Variants in IMMP2L observed in about 807,000 individuals in gnomAD.
IMMP2L encodes the protein mitochondrial inner membrane protease subunit 2.
IMMP2L carries 18 observed loss-of-function variants against 19.3 expected under a neutral mutation model. That is an observed-to-expected ratio of 0.93 (90% CI 0.64 to 1.38). The LOEUF (loss-of-function observed/expected upper bound fraction) is 1.38, where lower values mean the gene tolerates loss of function less well. IMMP2L is among the 40% of genes most tolerant of loss of function. IMMP2L has a pLI of 0.00. For synonymous variants in IMMP2L, 76 were observed against 73.0 expected, an observed-to-expected ratio of 1.04 and a Z score of -0.21; for missense variants, 233 against 218.2, an observed-to-expected ratio of 1.07 and a Z score of -0.43.
intron 5 of IMMP2L, among the ~76,000 whole-genome samples, chr7:110,812,096 A>T (rs185076308): frequency 6.6e-6 from 1 of 152,172 alleles, no homozygotes; most frequent in African/African-American, 2.4e-5. Flanking sequence ...ATATATCCAC[A>T]TATGTATATA....
intron 3 of IMMP2L, among the ~76,000 whole-genome samples, chr7:111,376,907 T>C (rs146671238): frequency 5.5e-4 from 84 of 152,116 alleles, no homozygotes; most frequent in Non-Finnish European, 1.0e-3. Context: ...GGAGGTGGCA[T>C]GGTGGTGACA....
chr7:110,993,608 A>G (rs1255177951), intron 3 of IMMP2L, among the ~76,000 whole-genome samples: 3 of 151,200 alleles, frequency 2.0e-5, no homozygotes, highest in African/African-American at 7.3e-5. Context: ...AAAAAAAAAC[A>G]GACCTCAAAC....
intron 3 of IMMP2L, among the ~76,000 whole-genome samples, chr7:111,388,630 C>T (rs1194197329): frequency 6.6e-6 from 1 of 152,072 alleles, no homozygotes; most frequent in Non-Finnish European, 1.5e-5. Flanking sequence ...GCCTCAGTAT[C>T]ATGGCAGGAA....
chr7:111,121,510 C>A (rs1445408161), intron 3 of IMMP2L, among the ~76,000 whole-genome samples: 1 of 152,104 alleles, frequency 6.6e-6, no homozygotes, highest in African/African-American at 2.4e-5. Context: ...CAGAGAAATG[C>A]AAATCAAAAC....
rs553118950 is a variant in IMMP2L at position 111,365,626 on chromosome 7, T to C, written c.239+121612A>G. On this transcript the variant is annotated intron_variant, in intron 3 of 5. Transcript: ENST00000405709. ...ATGAAAAGGAGAAACAATTACCAACTAGTTTATAAACCACAATTTAATCAA... is the reference window on the plus strand; with the variant it reads ...ATGAAAAGGAGAAACAATTACCAACCAGTTTATAAACCACAATTTAATCAA... 2.0e-5 allele frequency among the ~76,000 whole-genome samples: 3 copies of C among 152,246 alleles called. No individual in the cohort carries two copies. The South Asian group carries it at 6.2e-4, about 32-fold the overall frequency.
chr7:111,463,349 G>C (rs1437756926), intron 3 of IMMP2L, among the ~76,000 whole-genome samples: 1 of 152,054 alleles, frequency 6.6e-6, no homozygotes, highest in Non-Finnish European at 1.5e-5. Flanking sequence ...GTGACATGCT[G>C]GTTAATCTCT....
At chr7:111,032,926 C>G (rs888552815) in intron 3 of IMMP2L, among the ~76,000 whole-genome samples, 1 of 152,064 alleles carries the variant, frequency 6.6e-6, no homozygotes, top group Non-Finnish European at 1.5e-5. Context: ...TCGAGACTAG[C>G]CTAGCCAACA....
At chr7:111,308,082 G>A (rs781084073) in intron 3 of IMMP2L, among the ~76,000 whole-genome samples, 2 of 151,828 alleles carry the variant, frequency 1.3e-5, no homozygotes, top group Non-Finnish European at 2.9e-5. Context: ...GTGCGTATCT[G>A]TCCAAATTCA....
chr7:111,198,607 T>C (rs1019280287), intron 3 of IMMP2L, among the ~76,000 whole-genome samples: 4 of 152,084 alleles, frequency 2.6e-5, no homozygotes, highest in Admixed American at 2.6e-4. Flanking sequence ...GCCCTGATAA[T>C]TTCTGCTTTG....
intron 3 of IMMP2L, among the ~76,000 whole-genome samples, chr7:111,186,452 C>T (rs1808272169): frequency 6.6e-6 from 1 of 151,824 alleles, no homozygotes; most frequent in African/African-American, 2.4e-5. Context: ...AGGAGTTTCA[C>T]TCTTGTTGCC....
intron 3 of IMMP2L, among the ~76,000 whole-genome samples, chr7:111,406,756 T>C (rs1467066736): frequency 6.6e-6 from 1 of 152,062 alleles, no homozygotes; most frequent in African/African-American, 2.4e-5. Flanking sequence ...ATCAATTCTA[T>C]ATCCCTGTTA....
intron 3 of IMMP2L, among the ~76,000 whole-genome samples, chr7:111,209,854 G>A (rs1206304406): frequency 1.3e-5 from 2 of 152,136 alleles, no homozygotes; most frequent in Non-Finnish European, 2.9e-5. Flanking sequence ...GTCAGTAAAA[G>A]AAAAATGACT....
chr7:110,750,286 T>C (rs920155687), intron 5 of IMMP2L, among the ~76,000 whole-genome samples: 4 of 152,022 alleles, frequency 2.6e-5, no homozygotes, highest in Non-Finnish European at 5.9e-5. Context: ...GCAAGGTCAC[T>C]GCATTATAGA....
At chr7:111,540,385 C>T (rs1391354614) in intron 1 of IMMP2L, among the ~76,000 whole-genome samples, 1 of 152,176 alleles carries the variant, frequency 6.6e-6, no homozygotes, top group Non-Finnish European at 1.5e-5. Context: ...CAGAACGGCA[C>T]TTCACTGGAA....
chr7:111,082,390 C>T (rs796756559), intron 3 of IMMP2L, among the ~76,000 whole-genome samples: 2 of 152,176 alleles, frequency 1.3e-5, no homozygotes, highest in South Asian at 4.1e-4. Flanking sequence ...AAAATAAACG[C>T]ACCTTCTGTC....
intron 3 of IMMP2L, among the ~76,000 whole-genome samples, chr7:111,367,832 CAG>C (rs1387681521): frequency 6.6e-6 from 1 of 151,672 alleles, no homozygotes; most frequent in Non-Finnish European, 1.5e-5. Flanking sequence ...ACATTGAAAA[CAG>C]AGGTAAAATG....
At chr7:111,338,302 A>AT (rs1291835649) in intron 3 of IMMP2L, among the ~76,000 whole-genome samples, 3 of 151,730 alleles carry the variant, frequency 2.0e-5, no homozygotes, top group Admixed American at 6.6e-5. Context: ...TGCTATTGCT[A>AT]TTTTTTTTCT....
intron 5 of IMMP2L, among the ~76,000 whole-genome samples, chr7:110,875,212 C>T (rs1222320598): frequency 6.6e-6 from 1 of 152,118 alleles, no homozygotes; most frequent in Non-Finnish European, 1.5e-5. Context: ...TTAAAATAGC[C>T]TTCCTCATTT....
chr7:111,128,766 A>C (rs562452976), intron 3 of IMMP2L, among the ~76,000 whole-genome samples: 4 of 152,314 alleles, frequency 2.6e-5, no homozygotes, highest in Admixed American at 2.6e-4. Context: ...CGGAGGTTGC[A>C]GTGAGCCAAG....
Sources: allele counts gnomAD v4.1 joint callset (sites outside exome capture counted in the v4.1 genomes callset), GRCh38; gene constraint gnomAD v4.1.1; transcripts MANE v1.5; gene names NCBI Gene and HGNC (gene_info 2026-07-23, HGNC 2026-07-21).